Variants in FSHR observed in about 807,000 individuals in gnomAD.
The protein encoded by FSHR is follicle-stimulating hormone receptor.
Under a neutral mutation model 52.1 loss-of-function variants are expected in FSHR, and 46 were observed. The observed-to-expected ratio is 0.88, with a 90% CI of 0.70 to 1.13. The LOEUF (loss-of-function observed/expected upper bound fraction) is 1.13. Ranked by LOEUF, FSHR falls within the 50% of genes most tolerant of loss-of-function variation. The pLI is 0.00. For missense variants in FSHR, 964 were observed against 834.6 expected (o/e 1.16, Z -1.91); for synonymous variants, 399 against 309.6 (o/e 1.29, Z -3.03).
chr2:49,043,550 G>A (rs973564486), intron 2 of FSHR, among the ~76,000 whole-genome samples: 2 of 152,114 alleles, frequency 1.3e-5, no homozygotes, highest in Admixed American at 1.3e-4. Context: ...ACACTAAGCA[G>A]TTTTAGATGT....
intron 4 of FSHR, chr2:48,997,219 G>GT: frequency 1.0e-6 from 1 of 984,760 alleles, no homozygotes; most frequent in Non-Finnish European, 1.2e-6. Context: ...ATGATTTTGT[G>GT]TAAGAAATTA....
intron 2 of FSHR, among the ~76,000 whole-genome samples, chr2:49,044,269 C>T (rs1668579765): frequency 6.6e-6 from 1 of 152,162 alleles, no homozygotes; most frequent in Non-Finnish European, 1.5e-5. Flanking sequence ...GGGGGAAACT[C>T]ACATTTTCGG....
chr2:49,087,718 G>A (rs948396393), intron 1 of FSHR, among the ~76,000 whole-genome samples: 1 of 152,194 alleles, frequency 6.6e-6, no homozygotes, highest in African/African-American at 2.4e-5. Flanking sequence ...TGGAGACAGA[G>A]GGAGGGAGCA....
chr2:48,994,536 G>A (rs899750708), intron 4 of FSHR, among the ~76,000 whole-genome samples: 4 of 152,072 alleles, frequency 2.6e-5, no homozygotes, highest in African/African-American at 7.2e-5. Flanking sequence ...TTCTGTAGCT[G>A]AGACTCTCTA....
chr2:49,033,605 G>T (rs1335207273), intron 2 of FSHR, among the ~76,000 whole-genome samples: 1 of 152,130 alleles, frequency 6.6e-6, no homozygotes, highest in African/African-American at 2.4e-5. Context: ...TGGGGGCTGT[G>T]TGCAAGCTGG....
intron 1 of FSHR, among the ~76,000 whole-genome samples, chr2:49,072,016 C>A (rs1669755775): frequency 6.6e-6 from 1 of 152,038 alleles, no homozygotes; most frequent in Admixed American, 6.6e-5. Context: ...AGTGGGTTGT[C>A]ATAATGGCTG....
intron 4 of FSHR, among the ~76,000 whole-genome samples, chr2:49,012,410 G>GT (rs1031392234): frequency 1.3e-5 from 2 of 151,446 alleles, no homozygotes; most frequent in African/African-American, 2.4e-5. Flanking sequence ...TTATTCATGA[G>GT]TTTTTTTTTC....
intron 8 of FSHR, among the ~76,000 whole-genome samples, chr2:48,975,840 A>G (rs1674963833): frequency 6.6e-6 from 1 of 152,188 alleles, no homozygotes; most frequent in African/African-American, 2.4e-5. Flanking sequence ...TTGATTTTGT[A>G]TCCTGAGACT....
chr2:49,143,297 G>A (rs1449047031), intron 1 of FSHR, among the ~76,000 whole-genome samples: 1 of 152,170 alleles, frequency 6.6e-6, no homozygotes, highest in Non-Finnish European at 1.5e-5. Context: ...GTACTCGAAT[G>A]GTCACTGCAT....
At chr2:48,968,606 G>A (rs1465573388) in intron 9 of FSHR, 92 bp downstream of exon 9, 1 of 1,456,980 alleles carries the variant, frequency 6.9e-7, no homozygotes, top group Admixed American at 1.7e-5. Flanking sequence ...CTCTCTGCAA[G>A]TAGATTCTCT....
At chr2:49,073,721 T>C (rs1361517205) in intron 1 of FSHR, among the ~76,000 whole-genome samples, 1 of 152,030 alleles carries the variant, frequency 6.6e-6, no homozygotes, top group Non-Finnish European at 1.5e-5. Flanking sequence ...CAAAAGATAC[T>C]GAATAACCAA....
Position 49,127,810 on chromosome 2 carries a change from TC to T in FSHR, c.152+26455del, listed in dbSNP as rs1411449611. ...TTCTTCTTCTTCTTCTTCTTCTTCT[TC>T]TTCTTCTTCTTCTTCTTCCTCTTCT... On this transcript the variant is annotated intron_variant, in intron 1 of 9. Transcript: ENST00000406846. 1.2e-3 allele frequency among the ~76,000 whole-genome samples: 74 copies of T among 60,262 alleles called. 6 individuals carry two copies. Among genetic ancestry groups the T allele is most frequent in the East Asian group, 7.8e-3 (10 of 1,286 alleles). 39.5% of individuals were successfully genotyped at this position (60,262 alleles called of 152,430 possible).
rs1558456552 is a variant in FSHR, at chr2:49,127,821, TTCTTCTTCC to T, written c.152+26436_152+26444del. On this transcript the variant is annotated intron_variant, in intron 1 of 9. Coordinates refer to ENST00000406846, the MANE Select transcript of FSHR (RefSeq NM_000145.4). Reference sequence around the variant, plus strand: ...CTTCTTCTTCTTCTTCTTCTTCTTCTTCTTCTTCCTCTTCTTCTTCTTCTTCTTCTTCTT... The same window carrying T: ...CTTCTTCTTCTTCTTCTTCTTCTTCTTCTTCTTCTTCTTCTTCTTCTTCTT... 1.4e-3 allele frequency among the ~76,000 whole-genome samples: 94 copies of T among 65,102 alleles called. 4 individuals carry two copies. Among genetic ancestry groups the T allele is most frequent in the Non-Finnish European group, 1.8e-3 (67 of 36,398 alleles). The allele number at this position is 65,102 out of a possible 152,430, so 42.7% of individuals were successfully genotyped here.
At chr2:49,049,899 A>G (rs901965315) in intron 2 of FSHR, among the ~76,000 whole-genome samples, 3 of 151,648 alleles carry the variant, frequency 2.0e-5, no homozygotes, top group African/African-American at 7.3e-5. Context: ...TTCCAAACAT[A>G]TAAATACAAA....
rs1305499616 is a variant in FSHR at position 48,963,038 on chromosome 2, C to T, written c.1783G>A (p.Ala595Thr). 7 of 1,613,964 alleles carry T rather than the reference C, an allele frequency of 4.3e-6. No individual in the cohort carries two copies. Among genetic ancestry groups the T allele is most frequent in the Non-Finnish European group, 5.1e-6 (6 of 1,179,952 alleles). ...GTGATGAGGGGCACCTTGAGGGAGGCAGAAATGGCAAAGAAAGAAATGGGT... is the reference window on the plus strand; with the variant it reads ...GTGATGAGGGGCACCTTGAGGGAGGTAGAAATGGCAAAGAAAGAAATGGGT... ...MAPISFFAIS[A>T]SLKVPLITVS... The change falls in exon 10 of 10, where the codon GCC becomes ACC. Residue 595 changes from alanine (A) to threonine (T), a missense_variant. Ala to Thr is a moderately conservative substitution (Grantham distance 58). Coordinates refer to ENST00000406846, the MANE Select transcript of FSHR (RefSeq NM_000145.4).
chr2:49,039,700 T>G (rs569639237), intron 2 of FSHR, among the ~76,000 whole-genome samples: 3 of 152,220 alleles, frequency 2.0e-5, no homozygotes, highest in Non-Finnish European at 4.4e-5. Context: ...AATTCTTCCT[T>G]GTCTTTTTAA....
chr2:49,089,440 G>A (rs1441442717), intron 1 of FSHR, among the ~76,000 whole-genome samples: 1 of 152,126 alleles, frequency 6.6e-6, no homozygotes, highest in Non-Finnish European at 1.5e-5. Context: ...TAGCATACAT[G>A]TTGAAATAGA....
chr2:49,003,213 A>G (rs1238487379), intron 4 of FSHR, among the ~76,000 whole-genome samples: 3 of 152,104 alleles, frequency 2.0e-5, no homozygotes, highest in Non-Finnish European at 2.9e-5. Context: ...GCCCCAAGAT[A>G]TTTCTCTAAA....
At chr2:49,153,655 C>G (rs1673139064) in intron 1 of FSHR, among the ~76,000 whole-genome samples, 1 of 152,260 alleles carries the variant, frequency 6.6e-6, no homozygotes, top group Middle Eastern at 3.4e-3. Flanking sequence ...ACTTATTAAT[C>G]ACATTTTTTT....
Sources: gnomAD v4.1 joint callset for allele counts (sites outside exome capture counted in the v4.1 genomes callset) on GRCh38, gnomAD v4.1.1 for gene constraint, MANE v1.5 for transcripts, NCBI Gene and HGNC (gene_info 2026-07-23, HGNC 2026-07-21) for gene names.